The following GRIP1 variants were observed in gnomAD, a reference collection of about 807,000 sequenced individuals.
The protein encoded by GRIP1 is glutamate receptor-interacting protein 1.
GRIP1 carries 45 observed loss-of-function variants against 129.9 expected under a neutral mutation model. The ratio of observed to expected loss-of-function variants is 0.35; its 90% CI spans 0.27 to 0.44. GRIP1 has a LOEUF of 0.44. Ranked by LOEUF, GRIP1 falls within the 20% of genes least tolerant of loss-of-function variation. The pLI, the probability that GRIP1 is intolerant of heterozygous loss-of-function variation, is 1.00. For missense variants in GRIP1, 1,196 were observed against 1,396.8 expected (o/e 0.86, Z 2.29); for synonymous variants, 530 against 520.8 (o/e 1.02, Z -0.24).
intron 1 of GRIP1, among the ~76,000 whole-genome samples, chr12:66,908,902 A>G (rs2040981687): frequency 1.3e-5 from 2 of 152,188 alleles, no homozygotes; most frequent in Admixed American, 1.3e-4. Flanking sequence ...AGCCAAATGA[A>G]GCCTGCATTG....
intron 1 of GRIP1, among the ~76,000 whole-genome samples, chr12:66,930,824 A>C (rs12820990): frequency 0.21 from 31,778 of 151,942 alleles, 3,506 homozygotes; most frequent in South Asian, 0.26. Flanking sequence ...TGACCAAACA[A>C]GTGATTTAGA....
intron 23 of GRIP1, among the ~76,000 whole-genome samples, chr12:66,361,764 C>T (rs2054781797): frequency 6.6e-6 from 1 of 152,178 alleles, no homozygotes; most frequent in African/African-American, 2.4e-5. Flanking sequence ...CCCAGCTTGG[C>T]TCTGGCCTGG....
intron 11 of GRIP1, among the ~76,000 whole-genome samples, chr12:66,451,697 C>T (rs1435228344): frequency 6.6e-6 from 1 of 151,954 alleles, no homozygotes; most frequent in Non-Finnish European, 1.5e-5. Flanking sequence ...TATTATTGAT[C>T]CTGTAATCTA....
At chr12:66,913,816 A>T (rs2041072543) in intron 1 of GRIP1, among the ~76,000 whole-genome samples, 1 of 152,244 alleles carries the variant, frequency 6.6e-6, no homozygotes, top group African/African-American at 2.4e-5. Flanking sequence ...AAATGGAATG[A>T]CATTAAAATA....
intron 2 of GRIP1, among the ~76,000 whole-genome samples, chr12:66,584,072 G>A (rs1404796104): frequency 6.7e-6 from 1 of 149,412 alleles, no homozygotes; most frequent in Admixed American, 6.8e-5. Flanking sequence ...GGAATACTAT[G>A]CAGCCATAAA....
rs1555210385 is a variant in GRIP1, at chr12:66,578,238, T to TTTTTTG, written c.136+18608_136+18609insCAAAAA. The stretch of plus-strand genomic sequence containing the variant: ...CTAATATGGCAAAACCGCGGTTTTT[T>TTTTTTG]TTTTTTTTTTTGTAAAAATACAAAA... On this transcript the variant is annotated intron_variant, in intron 2 of 24. Transcript: ENST00000359742. Among the ~76,000 whole-genome samples, 12 of 144,498 alleles carry TTTTTTG rather than the reference T, an allele frequency of 8.3e-5. No homozygotes were observed. The South Asian group carries it at 1.4e-3, about 16-fold the overall frequency. 94.8% of individuals were successfully genotyped at this position (144,498 alleles called of 152,430 possible).
chr12:66,384,201 T>C (rs76967755), intron 19 of GRIP1, among the ~76,000 whole-genome samples: 2,027 of 118,568 alleles, frequency 0.017, 95 homozygotes, highest in Admixed American at 0.11. Flanking sequence ...TATTTAAATT[T>C]AAATGTCTAG....
intron 6 of GRIP1, among the ~76,000 whole-genome samples, chr12:66,516,853 T>G (rs2060858925): frequency 6.6e-6 from 1 of 152,160 alleles, no homozygotes; most frequent in South Asian, 2.1e-4. Flanking sequence ...AAAAGTGAGC[T>G]AATCATATGA....
At position 66,539,891 on chromosome 12, in the gene GRIP1, C is replaced by T. The variant is rs576701976; in HGVS notation, c.273-668G>A. On this transcript the variant is annotated intron_variant, in intron 3 of 24. Transcript: ENST00000359742. Reference sequence around the variant, plus strand: ...CTGCTCTTGGACTTTAGTCAAACTCCGTTTCTAAACCAAGAGCAGGTAGCA... The same window carrying T: ...CTGCTCTTGGACTTTAGTCAAACTCTGTTTCTAAACCAAGAGCAGGTAGCA... Among the ~76,000 whole-genome samples the T allele has an allele frequency of 5.9e-5, 9 of 152,240 alleles. No individual in the cohort carries two copies. The South Asian group carries it at 1.0e-3, about 18-fold the overall frequency.
intron 4 of GRIP1, 52 bp downstream of exon 4, chr12:66,539,026 C>T (rs1047790121): frequency 6.6e-7 from 1 of 1,508,302 alleles, no homozygotes; most frequent in African/African-American, 1.4e-5. Flanking sequence ...TAGGCATCCA[C>T]TGGGGGTCTT....
At chr12:67,068,840 G>GCCC (rs2043679038) in intron 1 of GRIP1, among the ~76,000 whole-genome samples, 2 of 52,318 alleles carry the variant, frequency 3.8e-5, no homozygotes, top group African/African-American at 1.6e-4. Flanking sequence ...CTCTCCCGCT[G>GCCC]CCCTCTCATC....
At chr12:66,439,502 A>G (rs1425650944) in intron 13 of GRIP1, among the ~76,000 whole-genome samples, 1 of 151,202 alleles carries the variant, frequency 6.6e-6, no homozygotes, top group Non-Finnish European at 1.5e-5. Flanking sequence ...TCCCACTCAG[A>G]TTCTTTCAAA....
intron 1 of GRIP1, among the ~76,000 whole-genome samples, chr12:66,844,886 A>C (rs1029201441): frequency 2.0e-5 from 3 of 152,206 alleles, no homozygotes; most frequent in Admixed American, 6.5e-5. Flanking sequence ...ACATGATTCC[A>C]TTTATATGAG....
intron 14 of GRIP1, among the ~76,000 whole-genome samples, chr12:66,425,049 G>A (rs1321427580): frequency 6.6e-6 from 1 of 152,094 alleles, no homozygotes; most frequent in South Asian, 2.1e-4. Flanking sequence ...TTCTCCAGTA[G>A]CTTCTGAGGA....
chr12:66,838,302 C>A (rs12311631), intron 1 of GRIP1, among the ~76,000 whole-genome samples: 24,530 of 151,806 alleles, frequency 0.16, 2,111 homozygotes, highest in East Asian at 0.37. Context: ...TCATTGGGTA[C>A]CATTTGTTTC....
chr12:66,906,379 T>C (rs1015205748), intron 1 of GRIP1, among the ~76,000 whole-genome samples: 1 of 151,808 alleles, frequency 6.6e-6, no homozygotes, highest in African/African-American at 2.4e-5. Flanking sequence ...AGCTGAAGAG[T>C]TGTGAGTGCA....
chr12:66,854,030 ATAAGG>A (rs764002689), intron 1 of GRIP1, among the ~76,000 whole-genome samples: 55 of 152,094 alleles, frequency 3.6e-4, no homozygotes, highest in Middle Eastern at 3.2e-3. Context: ...TAAGAAAAAA[ATAAGG>A]TAAGGGAGAA....
At chr12:66,495,809 G>A (rs1205438732) in intron 7 of GRIP1, among the ~76,000 whole-genome samples, 1 of 152,192 alleles carries the variant, frequency 6.6e-6, no homozygotes, top group Non-Finnish European at 1.5e-5. Flanking sequence ...AGATGCACTG[G>A]AGTTAAGGAA....
intron 1 of GRIP1, among the ~76,000 whole-genome samples, chr12:66,714,503 C>A (rs867519325): frequency 6.6e-6 from 1 of 152,008 alleles, no homozygotes; most frequent in Non-Finnish European, 1.5e-5. Context: ...AAAATAAATA[C>A]ATTGCATAAT....
Sources: gnomAD v4.1 joint callset for allele counts (sites outside exome capture counted in the v4.1 genomes callset) on GRCh38, gnomAD v4.1.1 for gene constraint, MANE v1.5 for transcripts, NCBI Gene and HGNC (gene_info 2026-07-23, HGNC 2026-07-21) for gene names.